Variants in SCMH1 observed in about 807,000 individuals in gnomAD.
SCMH1 encodes Scm polycomb group protein homolog 1, also known as polycomb protein SCMH1.
A neutral mutation model predicts 70.8 loss-of-function variants in SCMH1; 37 were observed. The observed-to-expected ratio is 0.52, with a 90% confidence interval of 0.40 to 0.69. SCMH1 has a LOEUF of 0.69. Among genes scored for constraint, SCMH1 ranks in the 30% least tolerant of loss-of-function variants. SCMH1 has a pLI of 0.00. For synonymous variants in SCMH1, 292 were observed against 307.4 expected (o/e 0.95, Z 0.52); for missense variants, 607 against 827.3 (o/e 0.73, Z 3.27).
chr1:41,150,152 C>T (rs1485195947), intron 5 of SCMH1, among the ~76,000 whole-genome samples: 1 of 152,172 alleles, frequency 6.6e-6, no homozygotes, highest in Non-Finnish European at 1.5e-5. Flanking sequence ...TAGCTCAACT[C>T]ATTTGTTTTC....
chr1:41,122,729 G>A (rs1407143777), intron 6 of SCMH1, among the ~76,000 whole-genome samples: 1 of 152,210 alleles, frequency 6.6e-6, no homozygotes, highest in Non-Finnish European at 1.5e-5. Flanking sequence ...GAGTGGCTAA[G>A]TTAATATTAC....
intron 4 of SCMH1, among the ~76,000 whole-genome samples, chr1:41,153,966 T>C (rs947172793): frequency 3.9e-5 from 6 of 152,212 alleles, no homozygotes; most frequent in African/African-American, 1.4e-4. Context: ...AAAAATTTTA[T>C]GCTTTCTAGG....
intron 10 of SCMH1, among the ~76,000 whole-genome samples, chr1:41,050,617 C>T (rs550937242): frequency 5.3e-5 from 8 of 152,230 alleles, no homozygotes; most frequent in Admixed American, 3.9e-4. Context: ...ATGAATTGAA[C>T]GAATACATTT....
intron 6 of SCMH1, among the ~76,000 whole-genome samples, chr1:41,133,112 A>T (rs1642648608): frequency 6.6e-6 from 1 of 152,140 alleles, no homozygotes; most frequent in Admixed American, 6.6e-5. Context: ...GATAGCACTG[A>T]ACCTATAAAT....
intron 2 of SCMH1, among the ~76,000 whole-genome samples, chr1:41,171,367 T>C (rs1296044855): frequency 6.6e-6 from 1 of 152,142 alleles, no homozygotes; most frequent in East Asian, 1.9e-4. Context: ...TTATCCACCA[T>C]TACAGACAGC....
chr1:41,027,975 G>A (rs906998608), exon 15 of SCMH1: 39 of 579,312 alleles, frequency 6.7e-5, no homozygotes, highest in Admixed American at 2.2e-4. Flanking sequence ...GCTGAGGGAA[G>A]AGCAGCACCA....
chr1:41,104,073 C>T (rs187524330), intron 8 of SCMH1, among the ~76,000 whole-genome samples: 1 of 152,270 alleles, frequency 6.6e-6, no homozygotes, highest in Non-Finnish European at 1.5e-5. Context: ...GTTCCCTTTT[C>T]TTGGGAGGCC....
intron 2 of SCMH1, among the ~76,000 whole-genome samples, chr1:41,180,953 C>G (rs1387743836): frequency 3.3e-5 from 5 of 152,208 alleles, no homozygotes; most frequent in Admixed American, 3.3e-4. Flanking sequence ...AACTATACTA[C>G]AAGGCTACAG....
intron 13 of SCMH1, among the ~76,000 whole-genome samples, chr1:41,033,071 T>G (rs1644778000): frequency 6.6e-6 from 1 of 151,530 alleles, no homozygotes; most frequent in South Asian, 2.1e-4. Flanking sequence ...GCAGGCAGAC[T>G]GCTTGAGCCC....
intron 1 of SCMH1, among the ~76,000 whole-genome samples, chr1:41,201,300 C>T (rs1302407728): frequency 6.6e-6 from 1 of 152,176 alleles, no homozygotes; most frequent in Non-Finnish European, 1.5e-5. Context: ...CATGGTTTCT[C>T]TGTATCAAGA....
rs76613986 is a variant in SCMH1 at position 41,034,371 on chromosome 1, A to C, written c.1678+2991T>G. Reference sequence around the variant, plus strand: ...GAGACGGAGTCTCACTCTGTCCCCCAGGCTGGAGTGCAGTGGCGTGATCTC... The same window carrying C: ...GAGACGGAGTCTCACTCTGTCCCCCCGGCTGGAGTGCAGTGGCGTGATCTC... On this transcript the variant is annotated intron_variant, in intron 13 of 14. Transcript: ENST00000337495. Among the ~76,000 whole-genome samples the C allele has an allele frequency of 2.0e-5, 3 of 148,700 alleles. No homozygotes were observed. In the South Asian group the frequency reaches 6.4e-4, roughly 32 times the overall value.
At chr1:41,162,887 T>C (rs2148441803) in intron 2 of SCMH1, 1 of 152,384 alleles carries the variant, frequency 6.6e-6, no homozygotes, top group South Asian at 2.1e-4. Context: ...CACCTCTTCA[T>C]CTTGCTCACC....
chr1:41,128,534 GTTC>G (rs1673805218), intron 6 of SCMH1, among the ~76,000 whole-genome samples: 1 of 152,004 alleles, frequency 6.6e-6, no homozygotes, highest in African/African-American at 2.4e-5. Context: ...GTCATTCTTT[GTTC>G]TTCTATATAT....
At chr1:41,151,668 G>A (rs778701759) in exon 5 of SCMH1, 3 of 1,611,504 alleles carry the variant, frequency 1.9e-6, no homozygotes, top group Non-Finnish European at 1.7e-6. Context: ...TTAGGTATTT[G>A]TCCCAGGTAA....
At chr1:41,057,554 C>A (rs1650853315) in intron 10 of SCMH1, among the ~76,000 whole-genome samples, 1 of 152,040 alleles carries the variant, frequency 6.6e-6, no homozygotes, top group Non-Finnish European at 1.5e-5. Flanking sequence ...CTGGCCCTAC[C>A]ATGGTTCCTT....
At chr1:41,046,597 G>A (rs772417852) in exon 12 of SCMH1, 18 of 1,613,820 alleles carry the variant, frequency 1.1e-5, no homozygotes, top group South Asian at 6.6e-5. Flanking sequence ...GGTCAAACAC[G>A]GCTGTGGAGT....
intron 12 of SCMH1, among the ~76,000 whole-genome samples, chr1:41,039,547 G>A (rs1316695805): frequency 6.6e-6 from 1 of 151,280 alleles, no homozygotes; most frequent in Non-Finnish European, 1.5e-5. Flanking sequence ...ACAACTCACT[G>A]CACTCCTCTG....
At chr1:41,146,287 A>T (rs1644557380) in intron 5 of SCMH1, among the ~76,000 whole-genome samples, 2 of 151,400 alleles carry the variant, frequency 1.3e-5, no homozygotes, top group South Asian at 4.1e-4. Flanking sequence ...GTATTATTAT[A>T]AGAGTCAAAA....
At chr1:41,046,284 A>T (rs1297441176) in intron 12 of SCMH1, 123 bp downstream of exon 12, 2 of 738,284 alleles carry the variant, frequency 2.7e-6, no homozygotes, top group Non-Finnish European at 4.5e-6. Context: ...TAAGGGACAG[A>T]AAAGCAGACC....
Sources: gnomAD v4.1 joint callset for allele counts (sites outside exome capture counted in the v4.1 genomes callset) on GRCh38, gnomAD v4.1.1 for gene constraint, MANE v1.5 for transcripts, NCBI Gene and HGNC (gene_info 2026-07-23, HGNC 2026-07-21) for gene names.